Variants in PVT1 observed in about 807,000 individuals in gnomAD.
PVT1 encodes the protein CXCR4/PVT1 fusion.
chr8:128,053,657 G>A (rs181962715), intron 4 of PVT1, among the ~76,000 whole-genome samples: 50 of 152,264 alleles, frequency 3.3e-4, no homozygotes, highest in Admixed American at 2.0e-3. Context: ...TTATGAGACA[G>A]GAAAGGATGT....
intron 4 of PVT1, among the ~76,000 whole-genome samples, chr8:127,995,669 T>C (rs1465249153): frequency 6.6e-6 from 1 of 152,200 alleles, no homozygotes; most frequent in Non-Finnish European, 1.5e-5. Flanking sequence ...AAGATGGCCA[T>C]GAAGAGACTG....
At chr8:127,876,192 G>A (rs776753786) in intron 2 of PVT1, among the ~76,000 whole-genome samples, 5 of 152,092 alleles carry the variant, frequency 3.3e-5, no homozygotes, top group Non-Finnish European at 7.3e-5. Flanking sequence ...CCAGTACTGT[G>A]ACTTGCACCA....
intron 4 of PVT1, among the ~76,000 whole-genome samples, chr8:128,065,438 A>C (rs952824742): frequency 6.6e-6 from 1 of 152,094 alleles, no homozygotes; most frequent in Non-Finnish European, 1.5e-5. Context: ...CACCCACCTC[A>C]ATCTTCCAAA....
intron 3 of PVT1, among the ~76,000 whole-genome samples, chr8:127,988,043 T>A (rs1159049260): frequency 1.3e-5 from 2 of 152,184 alleles, no homozygotes; most frequent in African/African-American, 4.8e-5. Flanking sequence ...CCACTGCAGA[T>A]CTGTCCGTGA....
intron 3 of PVT1, among the ~76,000 whole-genome samples, chr8:127,896,950 C>T (rs1480273758): frequency 6.6e-6 from 1 of 152,132 alleles, no homozygotes; most frequent in African/African-American, 2.4e-5. Flanking sequence ...GCTGGGCGGG[C>T]GGTGGCTGAC....
chr8:127,991,136 C>CT (rs1471313507), intron 4 of PVT1, among the ~76,000 whole-genome samples: 2,530 of 136,378 alleles, frequency 0.019, 40 homozygotes, highest in South Asian at 0.035. Context: ...TTTTTCTTTT[C>CT]TTTCTTTTTT....
At chr8:127,882,552 C>T (rs1815480271) in intron 2 of PVT1, among the ~76,000 whole-genome samples, 4 of 151,894 alleles carry the variant, frequency 2.6e-5, no homozygotes, top group Admixed American at 6.6e-5. Flanking sequence ...GGCACAATCT[C>T]GGCTCACTGC....
intron 4 of PVT1, among the ~76,000 whole-genome samples, chr8:128,031,452 C>T (rs749471117): frequency 6.6e-5 from 10 of 151,946 alleles, no homozygotes; most frequent in South Asian, 2.1e-4. Context: ...TTTCTGGGCC[C>T]GGTGATTGCC....
intron 3 of PVT1, among the ~76,000 whole-genome samples, chr8:127,929,601 C>A (rs192410123): frequency 6.6e-6 from 1 of 152,056 alleles, no homozygotes; most frequent in Non-Finnish European, 1.5e-5. Flanking sequence ...CCCGTCTCTA[C>A]TAAAAATACA....
chr8:127,809,474 A>C (rs965951912), intron 2 of PVT1, among the ~76,000 whole-genome samples: 1 of 152,222 alleles, frequency 6.6e-6, no homozygotes, highest in Middle Eastern at 3.2e-3. Flanking sequence ...AATTACAGGA[A>C]TGAGCCATCA....
At chr8:127,826,148 C>T (rs996484668) in intron 2 of PVT1, among the ~76,000 whole-genome samples, 2 of 151,442 alleles carry the variant, frequency 1.3e-5, no homozygotes, top group African/African-American at 4.9e-5. Flanking sequence ...GCATGAGCTA[C>T]CGCTACACCC....
chr8:127,871,815 G>A (rs184297585), intron 2 of PVT1, among the ~76,000 whole-genome samples: 68 of 152,286 alleles, frequency 4.5e-4, no homozygotes, highest in African/African-American at 1.5e-3. Flanking sequence ...CTGGCTGAGC[G>A]CAGTGGCTCA....
intron 6 of PVT1, chr8:128,100,014 G>A (rs926232211): frequency 2.6e-5 from 4 of 152,104 alleles, no homozygotes; most frequent in African/African-American, 9.7e-5. Context: ...ATGGGGTGGA[G>A]GAGGGAAGTA....
At chr8:127,831,006 T>A (rs939656369) in intron 2 of PVT1, among the ~76,000 whole-genome samples, 2 of 152,090 alleles carry the variant, frequency 1.3e-5, no homozygotes, top group Admixed American at 1.3e-4. Flanking sequence ...TGTGATCGTA[T>A]AAGTTAATAT....
intron 3 of PVT1, among the ~76,000 whole-genome samples, chr8:127,949,338 C>T (rs543522284): frequency 8.2e-5 from 12 of 146,052 alleles, no homozygotes; most frequent in Admixed American, 4.1e-4. Flanking sequence ...CCAGAACCTC[C>T]CATTTGCTGC....
At chr8:128,052,554 A>G (rs755627269) in intron 4 of PVT1, among the ~76,000 whole-genome samples, 2 of 152,176 alleles carry the variant, frequency 1.3e-5, no homozygotes, top group African/African-American at 4.8e-5. Context: ...TGTTTCTATG[A>G]AGGGATAGAC....
chr8:127,909,278 ACTGTCTG>A (rs1348250954), intron 3 of PVT1, among the ~76,000 whole-genome samples: 4 of 152,210 alleles, frequency 2.6e-5, no homozygotes, highest in Non-Finnish European at 5.9e-5. Flanking sequence ...AATGTAAGTG[ACTGTCTG>A]CTGTGTTCGC....
chr8:127,869,924 C>T (rs1031058774), intron 2 of PVT1, among the ~76,000 whole-genome samples: 2 of 152,170 alleles, frequency 1.3e-5, no homozygotes, highest in Admixed American at 6.5e-5. Context: ...CTGCCTCAGC[C>T]GTCCGAGTAG....
At chr8:127,826,472 G>A (rs888341889) in intron 2 of PVT1, among the ~76,000 whole-genome samples, 23 of 152,164 alleles carry the variant, frequency 1.5e-4, no homozygotes, top group Middle Eastern at 3.4e-3. Flanking sequence ...TAGATTCATC[G>A]TTTGGAATCT....
Sources: allele counts gnomAD v4.1 joint callset (sites outside exome capture counted in the v4.1 genomes callset), GRCh38; gene constraint gnomAD v4.1.1; transcripts MANE v1.5; gene names NCBI Gene and HGNC (gene_info 2026-07-23, HGNC 2026-07-21).